B3GALNT2: variants seen among roughly 807,000 people sequenced by gnomAD.
B3GALNT2 encodes beta-1,3-N-acetylgalactosaminyltransferase 2, also known as UDP-GalNAc:beta-1,3-N-acetylgalactosaminyltransferase 2.
A neutral mutation model predicts 61.1 loss-of-function variants in B3GALNT2; 53 were observed. The ratio of observed to expected loss-of-function variants is 0.87; its 90% CI spans 0.70 to 1.09. The LOEUF (loss-of-function observed/expected upper bound fraction) is 1.09, where lower values mean the gene tolerates loss of function less well. B3GALNT2 is among the 50% of genes least tolerant of loss of function. B3GALNT2 has a pLI of 0.00. For missense variants in B3GALNT2, 544 were observed against 623.0 expected (o/e 0.87, Z 1.35); for synonymous variants, 223 against 237.4 (o/e 0.94, Z 0.56).
intron 1 of B3GALNT2, among the ~76,000 whole-genome samples, chr1:235,499,361 G>T (rs1685484214): frequency 6.6e-6 from 1 of 152,086 alleles, no homozygotes; most frequent in African/African-American, 2.4e-5. Context: ...TTTTAAATCT[G>T]GGTGGTGATT....
intron 8 of B3GALNT2, among the ~76,000 whole-genome samples, chr1:235,457,049 T>C (rs540363212): frequency 6.6e-6 from 1 of 152,270 alleles, no homozygotes; most frequent in South Asian, 2.1e-4. Flanking sequence ...GGCTCACGCC[T>C]ATAATCCCAG....
At position 235,448,216 on chromosome 1, in the gene B3GALNT2, G is replaced by A. The variant is rs1429890292; in HGVS notation, c.*1990C>T. On this transcript the variant is annotated 3_prime_UTR_variant, in exon 12 of 12. Transcript: ENST00000366600. Reference sequence around the variant, plus strand: ...CTTACTTAAGTAAGTAAGTAAGTCAGTCTCAAAAAAAAAAAAAAAAAAAAG... The same window carrying A: ...CTTACTTAAGTAAGTAAGTAAGTCAATCTCAAAAAAAAAAAAAAAAAAAAG... The A allele has an allele frequency of 1.5e-6, 1 of 687,028 alleles. No homozygotes were observed. The highest frequency in any genetic ancestry group is 2.4e-6 in the Non-Finnish European group (1 of 410,870). 42.6% of individuals were successfully genotyped at this position (687,028 alleles called of 1,614,324 possible).
At chr1:235,486,326 A>G (rs1032507090) in intron 3 of B3GALNT2, among the ~76,000 whole-genome samples, 1 of 152,226 alleles carries the variant, frequency 6.6e-6, no homozygotes, top group African/African-American at 2.4e-5. Flanking sequence ...AATGGACAAC[A>G]ATACAATTTT....
rs568479479 is a variant in B3GALNT2 at position 235,475,615 on chromosome 1, A to G, written c.651+4439T>C. On this transcript the variant is annotated intron_variant, in intron 5 of 11. Transcript: ENST00000366600. ...CCAATCAGCCTTGATGCAGTAAAAA[A>G]AAGGATTTAAAATTAAACATATTTT... 1.4e-4 allele frequency among the ~76,000 whole-genome samples: 21 copies of G among 152,356 alleles called. No individual in the cohort carries two copies. The South Asian group carries it at 3.9e-3, about 29-fold the overall frequency.
Position 235,474,589 on chromosome 1 carries a change from G to A in B3GALNT2, c.652-3629C>T, listed in dbSNP as rs1368083498. 2.0e-5 allele frequency among the ~76,000 whole-genome samples: 3 copies of A among 152,122 alleles called. No individual in the cohort carries two copies. The East Asian group carries it at 5.8e-4, about 29-fold the overall frequency. ...AATCCCAGCACTTTGGGAGGCCGAG[G>A]TGGGTGGATCACCTGAGGTCAGGAG... On this transcript the variant is annotated intron_variant, in intron 5 of 11. Coordinates refer to ENST00000366600, the MANE Select transcript of B3GALNT2 (RefSeq NM_152490.5).
intron 6 of B3GALNT2, 28 bp downstream of exon 6, chr1:235,470,822 A>C: frequency 6.2e-7 from 1 of 1,608,076 alleles, no homozygotes; most frequent in Non-Finnish European, 8.5e-7. Flanking sequence ...TAAAATATGC[A>C]ATTAAACCTT....
intron 4 of B3GALNT2, among the ~76,000 whole-genome samples, chr1:235,482,268 TTGTC>T (rs905369599): frequency 9.9e-5 from 15 of 152,214 alleles, no homozygotes; most frequent in Admixed American, 5.2e-4. Flanking sequence ...TCTTGACTCT[TTGTC>T]TGAGGATACA....
At chr1:235,503,701 G>A (rs952156276) in intron 1 of B3GALNT2, among the ~76,000 whole-genome samples, 7 of 152,250 alleles carry the variant, frequency 4.6e-5, no homozygotes, top group Admixed American at 4.6e-4. Context: ...CATTATCCAC[G>A]GCACTAAAAC....
At chr1:235,459,811 T>A (rs1435130062) in intron 7 of B3GALNT2, among the ~76,000 whole-genome samples, 1 of 151,864 alleles carries the variant, frequency 6.6e-6, no homozygotes, top group East Asian at 1.9e-4. Context: ...TTTCTTTTTT[T>A]GAGACAGAGT....
chr1:235,467,339 A>C (rs1193912907), intron 6 of B3GALNT2, among the ~76,000 whole-genome samples: 1 of 151,962 alleles, frequency 6.6e-6, no homozygotes, highest in Admixed American at 6.6e-5. Flanking sequence ...ACAGAGTGAG[A>C]CTCCATCTCA....
chr1:235,480,363 C>A, intron 4 of B3GALNT2, among the ~76,000 whole-genome samples: 1 of 151,442 alleles, frequency 6.6e-6, no homozygotes. Context: ...AAAGTTGTCA[C>A]GAAATTCTCA....
chr1:235,448,285 T>C lies in B3GALNT2; in HGVS notation c.*1921A>G, dbSNP rs886140106. 13 of 1,258,244 alleles carry C rather than the reference T, an allele frequency of 1.0e-5. No individual in the cohort carries two copies. The highest frequency in any genetic ancestry group is 1.4e-5 in the Non-Finnish European group (12 of 860,320). 77.9% of individuals were successfully genotyped at this position (1,258,244 alleles called of 1,614,324 possible). On this transcript the variant is annotated 3_prime_UTR_variant, in exon 12 of 12. Coordinates refer to ENST00000366600, the MANE Select transcript of B3GALNT2 (RefSeq NM_152490.5). ...GCAATGATACTGTGGTCTCATCACA[T>C]GAGCTAGTTTTACAGGTAACTGTCA...
chr1:235,460,680 C>A (rs1683381502), intron 7 of B3GALNT2, among the ~76,000 whole-genome samples: 1 of 150,800 alleles, frequency 6.6e-6, no homozygotes, highest in East Asian at 1.9e-4. Flanking sequence ...CTCAAGTGAT[C>A]CTCCCACCTC....
Position 235,480,068 on chromosome 1 carries a change from A to G in B3GALNT2, c.637T>C (p.Phe213Leu), listed in dbSNP as rs202061932. Residue 213 changes from phenylalanine (F) to leucine (L), a missense_variant, in exon 5 of 12, where the codon TTC (phenylalanine) becomes CTC (leucine). Phe to Leu is a conservative substitution (Grantham distance 22). Coordinates refer to ENST00000366600, the MANE Select transcript of B3GALNT2 (RefSeq NM_152490.5). The part of the protein sequence containing the change: ...NKLWYKPVEQ[F>L]ILPESFEGTI... Reference sequence around the variant, plus strand: ...CCATCCTGTACCTCTGGTAAGATGAATTGTTCCACGGGCTTGTACCACAGC... The same window carrying G: ...CCATCCTGTACCTCTGGTAAGATGAGTTGTTCCACGGGCTTGTACCACAGC... 6.2e-7 allele frequency: 1 copy of G among 1,613,868 alleles called. No individual in the cohort carries two copies. The highest frequency in any genetic ancestry group is 2.2e-5 in the East Asian group (1 of 44,874).
At chr1:235,459,644 A>G (rs1683324221) in intron 7 of B3GALNT2, among the ~76,000 whole-genome samples, 1 of 152,136 alleles carries the variant, frequency 6.6e-6, no homozygotes. Flanking sequence ...TAAATAAATA[A>G]AGAGACGTAA....
Position 235,455,586 on chromosome 1 carries a change from A to G in B3GALNT2, c.1124T>C (p.Leu375Pro), listed in dbSNP as rs1404075671. ...TCCCCACCAAAAATTAGGCCCATCC[A>G]GATTCTTTTGGACAATCCTATTAAA... ...AVFNRIVQKNLDGPNFWWGNF... is the reference protein window; with the variant it reads ...AVFNRIVQKNPDGPNFWWGNF... The change falls in exon 9 of 12, where the codon CTG becomes CCG. Residue 375 changes from leucine (L) to proline (P), a missense_variant. Leu to Pro is a moderately conservative substitution (Grantham distance 98, BLOSUM62 -3). Transcript: ENST00000366600. 1 of 1,612,870 alleles carries G rather than the reference A, an allele frequency of 6.2e-7. No homozygotes were observed. The highest frequency in any genetic ancestry group is 1.7e-5 in the Admixed American group (1 of 60,020).
rs536344722 is a variant in B3GALNT2 at position 235,455,792 on chromosome 1, T to C, written c.1026-108A>G. 12 of 1,312,394 alleles carry C rather than the reference T, an allele frequency of 9.1e-6. No individual in the cohort carries two copies. In the East Asian group the frequency reaches 2.7e-4, roughly 30 times the overall value. 81.3% of individuals were successfully genotyped at this position (1,312,394 alleles called of 1,614,324 possible). ...AAAACTGTACCTGTCATTATCTAAA[T>C]TTCTTATTCCTCAAATGTTGAGAAC... On this transcript the variant is annotated intron_variant, in intron 8 of 11. Coordinates refer to ENST00000366600, the MANE Select transcript of B3GALNT2 (RefSeq NM_152490.5).
At chr1:235,484,908 G>T (rs1684731026) in intron 3 of B3GALNT2, among the ~76,000 whole-genome samples, 1 of 152,254 alleles carries the variant, frequency 6.6e-6, no homozygotes, top group South Asian at 2.1e-4. Flanking sequence ...AGTAAATTTG[G>T]TCTTACTGTG....
At chr1:235,485,674 C>T (rs1041460431) in intron 3 of B3GALNT2, among the ~76,000 whole-genome samples, 1 of 152,164 alleles carries the variant, frequency 6.6e-6, no homozygotes, top group Non-Finnish European at 1.5e-5. Context: ...AATATCAGTG[C>T]TACTTTAATA....
Sources: gnomAD v4.1 joint callset for allele counts (sites outside exome capture counted in the v4.1 genomes callset) on GRCh38, gnomAD v4.1.1 for gene constraint, MANE v1.5 for transcripts, NCBI Gene and HGNC (gene_info 2026-07-23, HGNC 2026-07-21) for gene names.